The following MOB3C variants were observed in gnomAD, a reference collection of about 807,000 sequenced individuals.
MOB3C encodes the protein MOB kinase activator 3C, also known as MOB1, Mps One Binder kinase activator-like 2C.
In MOB3C, 17 loss-of-function variants were observed where a neutral mutation model predicts 19.8. The observed-to-expected ratio is 0.86, with a 90% CI of 0.59 to 1.29. MOB3C has a LOEUF of 1.29. MOB3C is among the 50% of genes most tolerant of loss of function. The pLI is 0.00. For synonymous variants in MOB3C, 101 were observed against 119.2 expected, an observed-to-expected ratio of 0.85 and a Z score of 0.99; for missense variants, 291 against 301.9, an observed-to-expected ratio of 0.96 and a Z score of 0.27.
Position 46,613,380 on chromosome 1 carries a change from G to GACA in MOB3C, c.-50-12_-50-10dup. Reference sequence around the variant, plus strand: ...TCGGACCTGAGGATACCCTGCCAGGGACAAGGGCATAGGGGAGCTGGCGGT... The same window carrying GACA: ...TCGGACCTGAGGATACCCTGCCAGGGACAACAAGGGCATAGGGGAGCTGGCGGT... On this transcript the variant is annotated splice_polypyrimidine_tract_variant and intron_variant, in intron 1 of 3. Transcript: ENST00000319928. 2 of 1,589,952 alleles carry GACA rather than the reference G, an allele frequency of 1.3e-6. No individual in the cohort carries two copies. The highest frequency in any genetic ancestry group is 1.7e-6 in the Non-Finnish European group (2 of 1,174,564).
intron 1 of MOB3C, chr1:46,616,491 C>T (rs1675563445): frequency 6.6e-6 from 1 of 151,248 alleles, no homozygotes; most frequent in Non-Finnish European, 1.5e-5. Context: ...AACACGCCCC[C>T]CAACCCCTCC....
intron 2 of MOB3C, 21 bp from the exon 3 acceptor site, chr1:46,610,225 G>C: frequency 6.2e-7 from 1 of 1,612,010 alleles, no homozygotes; most frequent in Non-Finnish European, 8.5e-7. Flanking sequence ...GGGGAGGGCA[G>C]AAGGGGATCA....
At chr1:46,613,676 C>T (rs988019133) in intron 1 of MOB3C, 7 of 389,300 alleles carry the variant, frequency 1.8e-5, no homozygotes, top group African/African-American at 1.2e-4. Flanking sequence ...CGAGAGAGGT[C>T]GCAGAGGCTC....
At chr1:46,616,219 T>A (rs951384408) in intron 1 of MOB3C, 3 of 152,366 alleles carry the variant, frequency 2.0e-5, no homozygotes, top group African/African-American at 7.2e-5. Context: ...TTTAGCCCCC[T>A]GCTAGGCTAC....
At chr1:46,616,027 A>G (rs942620008) in intron 1 of MOB3C, 10 of 152,132 alleles carry the variant, frequency 6.6e-5, no homozygotes, top group African/African-American at 2.4e-4. Flanking sequence ...GCCCTCACTG[A>G]GTTTCTATCT....
chr1:46,612,853 C>T, intron 2 of MOB3C, 51 bp downstream of exon 2: 1 of 1,493,528 alleles, frequency 6.7e-7, no homozygotes, highest in South Asian at 1.3e-5. Context: ...ACTAAATCCT[C>T]ATCTGTGGAA....
intron 1 of MOB3C, chr1:46,616,467 T>C (rs1021884793): frequency 6.6e-6 from 1 of 152,056 alleles, no homozygotes; most frequent in African/African-American, 2.4e-5. Context: ...CGCCTGACAT[T>C]TCCGCTCCCC....
rs1291074330 is a variant in MOB3C, at chr1:46,615,152, TG to T, written c.-51+1558del. 7 of 1,183,840 alleles carry T rather than the reference TG, an allele frequency of 5.9e-6. No homozygotes were observed. In the Admixed American group the frequency reaches 1.2e-4, roughly 21 times the overall value. The allele number at this position is 1,183,840 out of a possible 1,614,324, so 73.3% of individuals were successfully genotyped here. A position where few individuals can be genotyped will look rare whatever the true frequency, so the allele number is the denominator to read the frequency against. Reference sequence around the variant, plus strand: ...TCACACTGCAATTAGGCGGGGCTCCTGGGCTCCCCACATTGCATGGCCCCCT... The same window carrying T: ...TCACACTGCAATTAGGCGGGGCTCCTGGCTCCCCACATTGCATGGCCCCCT... On this transcript the variant is annotated intron_variant, in intron 1 of 3. Transcript: ENST00000319928.
chr1:46,610,066 T>TAC lies in MOB3C; in HGVS notation c.556_557insGT (p.Tyr186CysfsTer23). ...GCGGATGAAGTAGTAGAAGTGCTTGTAGCAGGTGTTGACGTGCGCCTCTGC... is the reference window on the plus strand; with the variant it reads ...GCGGATGAAGTAGTAGAAGTGCTTGTACAGCAGGTGTTGACGTGCGCCTCTGC... On this transcript the variant is annotated frameshift_variant, in exon 3 of 4. Transcript: ENST00000319928. LOFTEE classifies it high-confidence loss of function. 6.2e-7 allele frequency: 1 copy of TAC among 1,614,238 alleles called. No individual in the cohort carries two copies. Among genetic ancestry groups the TAC allele is most frequent in the Non-Finnish European group, 8.5e-7 (1 of 1,180,056 alleles).
rs756148553 is a variant in MOB3C, at chr1:46,612,898, A to T, written c.418+6T>A. The T allele has an allele frequency of 6.5e-7, 1 of 1,538,036 alleles. No homozygotes were observed. The highest frequency in any genetic ancestry group is 2.3e-5 in the East Asian group (1 of 44,146). Reference sequence around the variant, plus strand: ...AGTGGCTCCCTCCCCGCCAGGTGACACTCACCAACACGCGTGGGAAAGACC... The same window carrying T: ...AGTGGCTCCCTCCCCGCCAGGTGACTCTCACCAACACGCGTGGGAAAGACC... On this transcript the variant is annotated splice_donor_region_variant and intron_variant, in intron 2 of 3. Coordinates refer to ENST00000319928, the MANE Select transcript of MOB3C (RefSeq NM_201403.3).
chr1:46,612,462 G>A (rs1021531982), intron 2 of MOB3C, among the ~76,000 whole-genome samples: 1 of 151,994 alleles, frequency 6.6e-6, no homozygotes, highest in South Asian at 2.1e-4. Flanking sequence ...TCAGGTGTTC[G>A]AGATCAGCCT....
At chr1:46,614,908 G>A in intron 1 of MOB3C, 2 of 1,297,452 alleles carry the variant, frequency 1.5e-6, no homozygotes, top group Non-Finnish European at 2.2e-6. Flanking sequence ...GGTAAAATGA[G>A]AGCAGCTTGG....
chr1:46,612,134 G>A (rs1289500588), intron 2 of MOB3C, among the ~76,000 whole-genome samples: 3 of 152,102 alleles, frequency 2.0e-5, no homozygotes, highest in East Asian at 1.9e-4. Context: ...ACCCTCACCC[G>A]CCCAGGCTGC....
At chr1:46,615,177 C>A in intron 1 of MOB3C, 1 of 887,648 alleles carries the variant, frequency 1.1e-6, no homozygotes, top group South Asian at 1.5e-5. Flanking sequence ...GCATGGCCCC[C>A]TTTATGACAG....
chr1:46,614,786 A>G lies in MOB3C; in HGVS notation c.-50-1415T>C, dbSNP rs114757219. 2.4e-3 allele frequency: 1,351 copies of G among 556,084 alleles called. 17 individuals are homozygous for G. Among genetic ancestry groups the G allele is most frequent in the African/African-American group, 0.023 (1,249 of 53,340 alleles). 34.4% of individuals were successfully genotyped at this position (556,084 alleles called of 1,614,324 possible). ...CTGGGTAAAAGCAAAGGGATGGCAC[A>G]TATTTCGGGGAGGGGTATTACTTCT... On this transcript the variant is annotated intron_variant, in intron 1 of 3. Transcript: ENST00000319928.
chr1:46,612,616 A>C (rs889221150), intron 2 of MOB3C, among the ~76,000 whole-genome samples: 3 of 148,780 alleles, frequency 2.0e-5, no homozygotes, highest in African/African-American at 7.4e-5. Context: ...GTAAGCTGAG[A>C]TCTCACCACT....
At position 46,611,984 on chromosome 1, in the gene MOB3C, G is replaced by T. The variant is rs980283765; in HGVS notation, c.418+920C>A. 4.6e-5 allele frequency among the ~76,000 whole-genome samples: 7 copies of T among 152,284 alleles called. No homozygotes were observed. The highest frequency in any genetic ancestry group is 1.4e-4 in the African/African-American group (6 of 41,552). The stretch of plus-strand genomic sequence containing the variant: ...TGCAGAGATGAGCTCCAGGCCAGGT[G>T]GGGGCTGGGCCCAGCTACAGGTGCG... On this transcript the variant is annotated intron_variant, in intron 2 of 3. Transcript: ENST00000319928. The surrounding 1 kb of genome is among the most constrained non-coding windows in gnomAD (Gnocchi z 4.1).
chr1:46,611,729 G>A lies in MOB3C; in HGVS notation c.418+1175C>T, dbSNP rs767804236. Among the ~76,000 whole-genome samples the A allele has an allele frequency of 6.6e-6, 1 of 152,124 alleles. No homozygotes were observed. The highest frequency in any genetic ancestry group is 2.4e-5 in the African/African-American group (1 of 41,422). Reference sequence around the variant, plus strand: ...CTCCCACAGATCTGAGCCCCAGTTCGGAATTCCTCCCAGTTCAGTGCACTT... The same window carrying A: ...CTCCCACAGATCTGAGCCCCAGTTCAGAATTCCTCCCAGTTCAGTGCACTT... On this transcript the variant is annotated intron_variant, in intron 2 of 3. Transcript: ENST00000319928. The surrounding 1 kb of genome is among the most constrained non-coding windows in gnomAD (Gnocchi z 4.1).
chr1:46,609,638 A>G lies in MOB3C; in HGVS notation c.*17T>C, dbSNP rs1192412150. On this transcript the variant is annotated 3_prime_UTR_variant, in exon 4 of 4. Coordinates refer to ENST00000319928, the MANE Select transcript of MOB3C (RefSeq NM_201403.3). ...TCAGATCGTCCATCTGATGGCCAAA[A>G]AAGTCCAGACCTGGGCTCAGTGGCA... 5 of 1,614,028 alleles carry G rather than the reference A, an allele frequency of 3.1e-6. No homozygotes were observed. The highest frequency in any genetic ancestry group is 3.3e-5 in the Admixed American group (2 of 60,002).
Sources: allele counts gnomAD v4.1 joint callset (sites outside exome capture counted in the v4.1 genomes callset), GRCh38; gene constraint gnomAD v4.1.1; non-coding constraint Gnocchi (gnomAD v3.1); transcripts MANE v1.5; gene names NCBI Gene and HGNC (gene_info 2026-07-23, HGNC 2026-07-21).